The following CCDC3 variants were observed in gnomAD, a reference collection of about 807,000 sequenced individuals.
CCDC3 encodes the protein coiled-coil domain containing 3, also known as coiled-coil domain-containing protein 3.
In CCDC3, 24 loss-of-function variants were observed where a neutral mutation model predicts 21.4. That is an observed-to-expected ratio of 1.12 (90% CI 0.81 to 1.58). The LOEUF is 1.58. Ranked by LOEUF, CCDC3 falls within the 40% of genes most tolerant of loss-of-function variation. The pLI, the probability that CCDC3 is intolerant of heterozygous loss-of-function variation, is 0.00. For synonymous variants in CCDC3, 186 were observed against 166.0 expected, an observed-to-expected ratio of 1.12 and a Z score of -0.93; for missense variants, 425 against 360.9, an observed-to-expected ratio of 1.18 and a Z score of -1.44.
chr10:13,099,900 G>T (rs1832696973), upstream of CCDC3: 4 of 152,052 alleles, frequency 2.6e-5, no homozygotes, highest in Admixed American at 2.6e-4. Flanking sequence ...TCACAGTGAC[G>T]CCTTAGAGCA....
intron 5 of CCDC3, among the ~76,000 whole-genome samples, chr10:13,033,199 C>T (rs1281668243): frequency 2.6e-5 from 4 of 152,210 alleles, no homozygotes; most frequent in Admixed American, 2.0e-4. Context: ...CATCTACAAC[C>T]ATCTGATCTT....
intron 5 of CCDC3, among the ~76,000 whole-genome samples, chr10:13,036,486 T>C (rs1243056444): frequency 4.6e-5 from 7 of 152,108 alleles, no homozygotes; most frequent in African/African-American, 1.7e-4. Flanking sequence ...TTTTTTTGTT[T>C]GTTTGTTTTT....
intron 4 of CCDC3, among the ~76,000 whole-genome samples, chr10:13,066,269 C>T (rs1248114625): frequency 6.6e-6 from 1 of 152,162 alleles, no homozygotes; most frequent in African/African-American, 2.4e-5. Context: ...GTGATTCTCC[C>T]ACCTCAGCCT....
At chr10:12,970,665 C>T (rs1318158686) in intron 2 of CCDC3, among the ~76,000 whole-genome samples, 1 of 152,146 alleles carries the variant, frequency 6.6e-6, no homozygotes, top group Non-Finnish European at 1.5e-5. Flanking sequence ...AACTGGGGAT[C>T]ACCTGAGGCC....
rs544095879 is a variant in CCDC3 at position 13,094,550 on chromosome 10, C to T, written c.-503+3975G>A. Among the ~76,000 whole-genome samples, 3 of 152,170 alleles carry T rather than the reference C, an allele frequency of 2.0e-5. No homozygotes were observed. The East Asian group carries it at 5.8e-4, about 30-fold the overall frequency. On this transcript the variant is annotated intron_variant, in intron 3 of 6. Transcript: ENST00000378839. Reference sequence around the variant, plus strand: ...GATTACAGGTGTAAGCCACTGTGCCCGGCCTATTTCAAGATTTTTAAACAT... The same window carrying T: ...GATTACAGGTGTAAGCCACTGTGCCTGGCCTATTTCAAGATTTTTAAACAT...
intron 2 of CCDC3, among the ~76,000 whole-genome samples, chr10:12,978,019 C>CTT (rs532349051): frequency 4.2e-5 from 6 of 144,110 alleles, no homozygotes; most frequent in African/African-American, 1.0e-4. Context: ...TTTCCACACT[C>CTT]TTTTTTTTTT....
chr10:13,095,493 T>A (rs1283576357), intron 3 of CCDC3, among the ~76,000 whole-genome samples: 2 of 152,164 alleles, frequency 1.3e-5, no homozygotes, highest in Admixed American at 6.5e-5. Flanking sequence ...CATTAGAGTC[T>A]CATAAGAAGC....
chr10:12,946,100 G>A (rs570799015), intron 2 of CCDC3, among the ~76,000 whole-genome samples: 20 of 152,148 alleles, frequency 1.3e-4, no homozygotes, highest in African/African-American at 4.1e-4. Flanking sequence ...TCTTAAATGC[G>A]GCCACCCATT....
chr10:12,919,099 T>C (rs574223595), intron 2 of CCDC3, among the ~76,000 whole-genome samples: 25 of 152,210 alleles, frequency 1.6e-4, no homozygotes, highest in Non-Finnish European at 3.4e-4. Context: ...TCTAGCACCA[T>C]TCCTATAGTA....
intron 2 of CCDC3, among the ~76,000 whole-genome samples, chr10:12,907,963 G>A (rs1834200889): frequency 6.6e-6 from 1 of 152,240 alleles, no homozygotes; most frequent in Non-Finnish European, 1.5e-5. Context: ...TTGGAGCGCA[G>A]TAGCAGCTGG....
At chr10:13,015,680 C>T (rs1836048366) in intron 5 of CCDC3, among the ~76,000 whole-genome samples, 1 of 152,016 alleles carries the variant, frequency 6.6e-6, no homozygotes, top group South Asian at 2.1e-4. Context: ...ATATCAGACA[C>T]TGGAAAGATT....
intron 2 of CCDC3, among the ~76,000 whole-genome samples, chr10:12,989,840 G>A (rs890805168): frequency 8.5e-5 from 13 of 152,080 alleles, no homozygotes; most frequent in African/African-American, 2.7e-4. Context: ...AGCAAGGCAA[G>A]TTAAACTGCC....
chr10:13,069,842 C>T (rs775212117), intron 4 of CCDC3, among the ~76,000 whole-genome samples: 5 of 152,112 alleles, frequency 3.3e-5, no homozygotes, highest in Non-Finnish European at 5.9e-5. Context: ...ATTTATTTGT[C>T]AATCATGTTT....
At chr10:13,017,444 G>A (rs936644216) in intron 5 of CCDC3, among the ~76,000 whole-genome samples, 3 of 150,790 alleles carry the variant, frequency 2.0e-5, no homozygotes, top group Non-Finnish European at 3.0e-5. Context: ...TTGAACCCGG[G>A]AGGTGGAGGT....
intron 2 of CCDC3, among the ~76,000 whole-genome samples, chr10:12,988,915 C>G (rs149278903): frequency 1.3e-5 from 2 of 152,334 alleles, no homozygotes; most frequent in African/African-American, 4.8e-5. Context: ...CTTGGCCAAT[C>G]AAGTGGCTGA....
At chr10:13,008,556 T>C (rs1244455813) in intron 5 of CCDC3, among the ~76,000 whole-genome samples, 1 of 152,118 alleles carries the variant, frequency 6.6e-6, no homozygotes, top group Non-Finnish European at 1.5e-5. Context: ...AGTTTCTCAC[T>C]ATCAAAAAAG....
chr10:12,977,393 T>C (rs1033754058), intron 2 of CCDC3, among the ~76,000 whole-genome samples: 1 of 152,226 alleles, frequency 6.6e-6, no homozygotes, highest in Non-Finnish European at 1.5e-5. Flanking sequence ...AAATTTTCTC[T>C]TGGTGTCCTT....
At chr10:13,019,127 G>A (rs1202328008) in intron 5 of CCDC3, among the ~76,000 whole-genome samples, 4 of 152,004 alleles carry the variant, frequency 2.6e-5, no homozygotes, top group Non-Finnish European at 5.9e-5. Flanking sequence ...CCAGCTACTC[G>A]GGAGGCTGAG....
At chr10:12,977,732 TTCA>T (rs1200020410) in intron 2 of CCDC3, among the ~76,000 whole-genome samples, 1 of 152,232 alleles carries the variant, frequency 6.6e-6, no homozygotes, top group Non-Finnish European at 1.5e-5. Flanking sequence ...TATTGCCAAC[TTCA>T]TCAACCATGC....
Sources: gnomAD v4.1 joint callset for allele counts (sites outside exome capture counted in the v4.1 genomes callset) on GRCh38, gnomAD v4.1.1 for gene constraint, MANE v1.5 for transcripts, NCBI Gene and HGNC (gene_info 2026-07-23, HGNC 2026-07-21) for gene names.